The following MED26 variants were observed in gnomAD, a reference collection of about 807,000 sequenced individuals.
MED26 encodes mediator of RNA polymerase II transcription subunit 26.
MED26 carries 7 observed loss-of-function variants against 43.7 expected under a neutral mutation model. The ratio of observed to expected loss-of-function variants is 0.16; its 90% CI spans 0.09 to 0.30. The LOEUF (loss-of-function observed/expected upper bound fraction) is 0.30, where lower values mean the gene tolerates loss of function less well. Among genes scored for constraint, MED26 ranks in the 10% least tolerant of loss-of-function variants. The probability of loss-of-function intolerance (pLI) is 1.00; values close to 1 mark genes in which losing one functional copy is unlikely to be tolerated. For synonymous variants in MED26, 375 were observed against 371.1 expected (o/e 1.01, Z -0.12); for missense variants, 784 against 840.6 (o/e 0.93, Z 0.83).
At chr19:16,606,637 A>G (rs987108179) in intron 1 of MED26, among the ~76,000 whole-genome samples, 4 of 152,258 alleles carry the variant, frequency 2.6e-5, no homozygotes, top group Admixed American at 2.0e-4. Context: ...AGCGGGGGAT[A>G]AGCAAATGTG....
At chr19:16,603,005 T>TAAAACA (rs934584097) in intron 1 of MED26, among the ~76,000 whole-genome samples, 12 of 152,236 alleles carry the variant, frequency 7.9e-5, no homozygotes, top group South Asian at 2.1e-4. Context: ...ATTTTACAAT[T>TAAAACA]AAAACAAAAA....
At chr19:16,603,568 TG>T (rs1307078919) in intron 1 of MED26, among the ~76,000 whole-genome samples, 1 of 152,120 alleles carries the variant, frequency 6.6e-6, no homozygotes, top group Non-Finnish European at 1.5e-5. Context: ...GCAGGAGCTA[TG>T]GGAAGATCCT....
intron 1 of MED26, among the ~76,000 whole-genome samples, chr19:16,623,083 G>T: frequency 1.3e-5 from 2 of 152,224 alleles, no homozygotes; most frequent in South Asian, 4.2e-4. Context: ...AGGGCTCTGG[G>T]ACCTCCAACC....
intron 1 of MED26, among the ~76,000 whole-genome samples, chr19:16,591,119 G>A (rs930509028): frequency 3.9e-5 from 6 of 151,952 alleles, no homozygotes; most frequent in African/African-American, 1.5e-4. Context: ...CACCCATGGA[G>A]GCAGACAGAT....
intron 1 of MED26, chr19:16,597,374 T>G (rs2086125328): frequency 2.5e-6 from 1 of 398,628 alleles, no homozygotes; most frequent in Non-Finnish European, 4.4e-6. Flanking sequence ...TTCTCCGACA[T>G]TCCCACTTTC....
rs774966415 is a variant in MED26, at chr19:16,577,481, C to A, written c.349G>T (p.Ala117Ser). The change falls in exon 3 of 3, where the codon GCG becomes TCG. Residue 117 changes from alanine (A) to serine (S), a missense_variant. Physicochemically the swap from Ala to Ser is moderately conservative, Grantham distance 99. Transcript: ENST00000263390. The surrounding 1 kb of genome is among the most constrained non-coding windows in gnomAD (Gnocchi z 8.1). ...TGGATGCTCCTGGGTGGGCCAGCCGCCCCCACCTCCGGCCGGCAGTTGTGT... is the reference window on the plus strand; with the variant it reads ...TGGATGCTCCTGGGTGGGCCAGCCGACCCCACCTCCGGCCGGCAGTTGTGT... ...GAHNCRPEVG[A>S]AGPPRSIHDL... 18 of 1,589,078 alleles carry A rather than the reference C, an allele frequency of 1.1e-5. No homozygotes were observed. The highest frequency in any genetic ancestry group is 3.4e-4 in the Middle Eastern group (2 of 5,926).
In MED26 at chr19:16,576,753, C is replaced by A. The variant is rs762351528; in HGVS notation, c.1077G>T (p.Gly359=). 3.1e-6 allele frequency: 5 copies of A among 1,608,204 alleles called. No homozygotes were observed. In the African/African-American group the frequency reaches 6.7e-5, roughly 21 times the overall value. The change falls in exon 3 of 3, where the codon GGG becomes GGT. Residue 359 remains glycine (G), a synonymous_variant. Transcript: ENST00000263390. The surrounding 1 kb of genome is among the most constrained non-coding windows in gnomAD (Gnocchi z 6.8). ...QRLAGPGCKA[G]LSPAEPLLSR... ...ACAGGAGGGGCTCGGCTGGGGACAG[C>A]CCTGCCTTGCAGCCCGGCCCCGCCA...
intron 1 of MED26, 58 bp downstream of exon 1, chr19:16,627,814 A>C: frequency 7.7e-7 from 1 of 1,302,980 alleles, no homozygotes; most frequent in African/African-American, 1.5e-5. Context: ...GGTACAGGAG[A>C]GGGGGAGGGT....
chr19:16,577,489 T>G lies in MED26; in HGVS notation c.341A>C (p.Glu114Ala). 6.3e-7 allele frequency: 1 copy of G among 1,589,338 alleles called. No homozygotes were observed. Among genetic ancestry groups the G allele is most frequent in the Non-Finnish European group, 8.6e-7 (1 of 1,165,234 alleles). Residue 114 changes from glutamate (E) to alanine (A), a missense_variant, in exon 3 of 3, where the codon GAG (glutamate) becomes GCG (alanine). Around this residue, in one of 3 missense-constraint regions of MED26, gnomAD observed 719 missense variants for 730.9 expected, o/e 0.98. Coordinates refer to ENST00000263390, the MANE Select transcript of MED26 (RefSeq NM_004831.5). The surrounding 1 kb of genome is among the most constrained non-coding windows in gnomAD (Gnocchi z 8.1). ...ANGGAHNCRP[E>A]VGAAGPPRSI... is the part of the protein sequence containing the mutation. ...CCTGGGTGGGCCAGCCGCCCCCACC[T>G]CCGGCCGGCAGTTGTGTGCGCCCCC...
At chr19:16,620,163 A>C (rs1416228603) in intron 1 of MED26, among the ~76,000 whole-genome samples, 2 of 152,216 alleles carry the variant, frequency 1.3e-5, no homozygotes, top group African/African-American at 4.8e-5. Flanking sequence ...CCAGTCTGGC[A>C]TAAGAGCAGT....
At chr19:16,592,471 C>T (rs935066602) in intron 1 of MED26, among the ~76,000 whole-genome samples, 4 of 152,228 alleles carry the variant, frequency 2.6e-5, no homozygotes, top group Non-Finnish European at 1.5e-5. Flanking sequence ...CACCAACCAG[C>T]AATGGCCACT....
At chr19:16,601,256 A>G (rs1000859569) in intron 1 of MED26, among the ~76,000 whole-genome samples, 1 of 151,784 alleles carries the variant, frequency 6.6e-6, no homozygotes, top group Non-Finnish European at 1.5e-5. Context: ...CCTGGATTCA[A>G]GCGATTCTCC....
chr19:16,577,919 AC>A lies in MED26; in HGVS notation c.148-238del. 1 of 479,682 alleles carries A rather than the reference AC, an allele frequency of 2.1e-6. No individual in the cohort carries two copies. Among genetic ancestry groups the A allele is most frequent in the Non-Finnish European group, 3.7e-6 (1 of 272,648 alleles). 29.7% of individuals were successfully genotyped at this position (479,682 alleles called of 1,614,324 possible). ...CAGGTGGCTTCTCAGCAGTGCTGTC[AC>A]CCAGGCTCCTGGTGTCAGGGGGCTG... On this transcript the variant is annotated intron_variant, in intron 2 of 2. Transcript: ENST00000263390. The surrounding 1 kb of genome is among the most constrained non-coding windows in gnomAD (Gnocchi z 8.1).
At chr19:16,605,055 A>G (rs1044944785) in intron 1 of MED26, among the ~76,000 whole-genome samples, 6 of 152,022 alleles carry the variant, frequency 3.9e-5, no homozygotes, top group Non-Finnish European at 7.4e-5. Flanking sequence ...CAGTGGGGGG[A>G]GGGAGAACTT....
chr19:16,625,435 T>C (rs2086270105), intron 1 of MED26, among the ~76,000 whole-genome samples: 2 of 152,264 alleles, frequency 1.3e-5, no homozygotes, highest in Admixed American at 1.3e-4. Flanking sequence ...GCTAAGTTTG[T>C]TAACCATAAT....
intron 1 of MED26, 57 bp from the exon 2 acceptor site, chr19:16,578,466 A>T: frequency 2.0e-6 from 3 of 1,538,182 alleles, no homozygotes; most frequent in Non-Finnish European, 2.7e-6. Context: ...GGGAGGCTGG[A>T]ACACCCTGCC....
intron 1 of MED26, among the ~76,000 whole-genome samples, chr19:16,590,752 T>C (rs2086091951): frequency 6.6e-6 from 1 of 152,180 alleles, no homozygotes; most frequent in Non-Finnish European, 1.5e-5. Context: ...AATAAAGCTA[T>C]TAATGTCAGG....
chr19:16,606,484 G>C (rs2086173855), intron 1 of MED26, among the ~76,000 whole-genome samples: 2 of 152,226 alleles, frequency 1.3e-5, no homozygotes, highest in Non-Finnish European at 2.9e-5. Context: ...GGGAGGCAGA[G>C]GTTGCAGTGA....
At chr19:16,592,549 A>G (rs1365253705) in intron 1 of MED26, among the ~76,000 whole-genome samples, 1 of 152,166 alleles carries the variant, frequency 6.6e-6, no homozygotes, top group Non-Finnish European at 1.5e-5. Context: ...CACGCCACAC[A>G]TGTCCCTTCC....
Sources: gnomAD v4.1 joint callset for allele counts (sites outside exome capture counted in the v4.1 genomes callset) on GRCh38, gnomAD v4.1.1 for gene constraint, gnomAD v4.1.1 regional missense constraint, Gnocchi (gnomAD v3.1) non-coding constraint, MANE v1.5 for transcripts, NCBI Gene and HGNC (gene_info 2026-07-23, HGNC 2026-07-21) for gene names.